The following N4BP2 variants were observed in gnomAD, a reference collection of about 807,000 sequenced individuals.
N4BP2 encodes NEDD4 binding protein 2, also known as NEDD4-binding protein 2.
N4BP2 carries 91 observed loss-of-function variants against 152.8 expected under a neutral mutation model. The observed-to-expected ratio is 0.60, with a 90% CI of 0.50 to 0.71. The LOEUF (loss-of-function observed/expected upper bound fraction) is 0.71, where lower values mean the gene tolerates loss of function less well. Among genes scored for constraint, N4BP2 ranks in the 30% least tolerant of loss-of-function variants. The pLI, the probability that N4BP2 is intolerant of heterozygous loss-of-function variation, is 0.00. For missense variants in N4BP2, 1,923 were observed against 2,059.1 expected, an observed-to-expected ratio of 0.93 and a Z score of 1.28; for synonymous variants, 646 against 705.3, an observed-to-expected ratio of 0.92 and a Z score of 1.33.
At chr4:40,189,585 G>T in the N4BP2 span, among the ~76,000 whole-genome samples, 2 of 152,090 alleles carry the variant, frequency 1.3e-5, no homozygotes, top group Non-Finnish European at 2.9e-5. The surrounding 1 kb of genome is among the most constrained non-coding windows in gnomAD (Gnocchi z 4.3). Flanking sequence ...TTACGCCGAT[G>T]ATAAAGACCA....
the N4BP2 span, chr4:40,167,302 A>G: frequency 6.6e-6 from 1 of 152,352 alleles, no homozygotes; most frequent in South Asian, 2.1e-4. Context: ...CCTGAGCTGA[A>G]TAAAGCCTTA....
intron 3 of N4BP2, 105 bp from the exon 4 acceptor site, chr4:40,101,970 T>A: frequency 1.5e-6 from 1 of 676,868 alleles, no homozygotes; most frequent in South Asian, 2.7e-5. Flanking sequence ...TATATTCTGT[T>A]CAATGCAAAA....
At chr4:40,078,939 T>C (rs1158169440) in intron 2 of N4BP2, among the ~76,000 whole-genome samples, 1 of 152,092 alleles carries the variant, frequency 6.6e-6, no homozygotes, top group Admixed American at 6.6e-5. Flanking sequence ...ATGGTGCTTT[T>C]TAATTTTTAT....
At chr4:40,189,485 C>T in the N4BP2 span, among the ~76,000 whole-genome samples, 3 of 152,100 alleles carry the variant, frequency 2.0e-5, no homozygotes, top group East Asian at 1.9e-4. This position sits in a 1 kb window ranked among gnomAD's most constrained non-coding sequence, Gnocchi z 4.3. Context: ...TTCTCCCGCT[C>T]GCAGGTATGG....
intron 5 of N4BP2, among the ~76,000 whole-genome samples, chr4:40,107,940 TTG>T (rs1458306061): frequency 1.3e-5 from 2 of 151,860 alleles, no homozygotes; most frequent in East Asian, 3.9e-4. Context: ...TTTTTTTTTT[TTG>T]ACACAGTATC....
downstream of N4BP2, among the ~76,000 whole-genome samples, chr4:40,158,447 G>A (rs1027132541): frequency 2.6e-5 from 4 of 152,092 alleles, no homozygotes; most frequent in African/African-American, 9.7e-5. Context: ...AAATGGATTG[G>A]CTATGGTTTC....
intron 15 of N4BP2, among the ~76,000 whole-genome samples, chr4:40,143,281 A>G (rs932120814): frequency 2.6e-5 from 4 of 152,144 alleles, no homozygotes; most frequent in Non-Finnish European, 5.9e-5. Flanking sequence ...ACCTGGGCTC[A>G]TTTAACATGA....
Position 40,097,262 on chromosome 4 carries a change from C to T in N4BP2, c.-79C>T. 1.7e-6 allele frequency: 2 copies of T among 1,160,728 alleles called. No homozygotes were observed. The highest frequency in any genetic ancestry group is 2.5e-6 in the Non-Finnish European group (2 of 784,740). 71.9% of individuals were successfully genotyped at this position (1,160,728 alleles called of 1,614,324 possible). On this transcript the variant is annotated 5_prime_UTR_variant, in exon 3 of 18. Coordinates refer to ENST00000261435, the MANE Select transcript of N4BP2 (RefSeq NM_018177.6). Reference sequence around the variant, plus strand: ...TGCTGGATTGTGCAAGATATTTAACCCTATTTTGTTTGAATTATGACTTAA... The same window carrying T: ...TGCTGGATTGTGCAAGATATTTAACTCTATTTTGTTTGAATTATGACTTAA...
At chr4:40,170,011 G>A in the N4BP2 span, among the ~76,000 whole-genome samples, 1 of 148,974 alleles carries the variant, frequency 6.7e-6, no homozygotes, top group East Asian at 1.9e-4. Context: ...AATAGAGGAG[G>A]AAATTAAGAA....
At chr4:40,175,085 A>G in the N4BP2 span, among the ~76,000 whole-genome samples, 12 of 152,236 alleles carry the variant, frequency 7.9e-5, no homozygotes, top group African/African-American at 2.2e-4. Context: ...CAGTGGCACA[A>G]TGAGAACTCA....
chr4:40,113,554 C>A, intron 7 of N4BP2, 46 bp downstream of exon 7: 1 of 1,298,442 alleles, frequency 7.7e-7, no homozygotes, highest in Non-Finnish European at 1.1e-6. Flanking sequence ...TAACGACAGA[C>A]AGACAAGGTC....
the N4BP2 span, among the ~76,000 whole-genome samples, chr4:40,173,531 G>A: frequency 1.3e-5 from 2 of 152,142 alleles, no homozygotes; most frequent in Non-Finnish European, 2.9e-5. Context: ...ATTTTGACTG[G>A]GGCAGCCAAG....
intron 1 of N4BP2, among the ~76,000 whole-genome samples, chr4:40,071,967 G>T (rs990731463): frequency 6.6e-6 from 1 of 152,114 alleles, no homozygotes; most frequent in Non-Finnish European, 1.5e-5. Flanking sequence ...GAGTGCAGTG[G>T]CACAATCTCA....
chr4:40,123,297 A>G (rs915972425), intron 10 of N4BP2, 85 bp downstream of exon 10: 2 of 897,664 alleles, frequency 2.2e-6, no homozygotes, highest in Non-Finnish European at 3.5e-6. Flanking sequence ...CATAATATTA[A>G]GGAGTTCTAT....
chr4:40,166,760 G>A, the N4BP2 span: 1 of 152,044 alleles, frequency 6.6e-6, no homozygotes, highest in East Asian at 1.9e-4. Flanking sequence ...TGGGTACATT[G>A]TAGGTGTATA....
intron 3 of N4BP2, among the ~76,000 whole-genome samples, chr4:40,101,044 A>C (rs1009157501): frequency 6.6e-6 from 1 of 152,190 alleles, no homozygotes; most frequent in African/African-American, 2.4e-5. Context: ...GTGTCTGGCA[A>C]GTTACTTTTT....
downstream of N4BP2, among the ~76,000 whole-genome samples, chr4:40,159,892 G>A (rs548929929): frequency 6.7e-6 from 1 of 148,184 alleles, no homozygotes; most frequent in Non-Finnish European, 1.5e-5. Flanking sequence ...TTTTTTTTTT[G>A]AGATGGATTC....
intron 2 of N4BP2, among the ~76,000 whole-genome samples, chr4:40,078,516 C>CTT (rs869190007): frequency 1.4e-4 from 20 of 142,748 alleles, no homozygotes; most frequent in Admixed American, 2.1e-4. Context: ...AATTAATATC[C>CTT]TTTTTTTTTT....
At chr4:40,066,543 C>T (rs1230126407) in intron 1 of N4BP2, among the ~76,000 whole-genome samples, 1 of 150,462 alleles carries the variant, frequency 6.6e-6, no homozygotes, top group Non-Finnish European at 1.5e-5. Flanking sequence ...TGGTCTTGAA[C>T]TCCTGACCTC....
Sources: allele counts gnomAD v4.1 joint callset (sites outside exome capture counted in the v4.1 genomes callset), GRCh38; gene constraint gnomAD v4.1.1; non-coding constraint Gnocchi (gnomAD v3.1); transcripts MANE v1.5; gene names NCBI Gene and HGNC (gene_info 2026-07-23, HGNC 2026-07-21).